The following MAP3K5 variants were observed in gnomAD, a reference collection of about 807,000 sequenced individuals.
MAP3K5 encodes mitogen-activated protein kinase kinase kinase 5, also known as ASK-1.
Under a neutral mutation model 158.7 loss-of-function variants are expected in MAP3K5, and 56 were observed. That is an observed-to-expected ratio of 0.35 (90% CI 0.28 to 0.44). The LOEUF is 0.44. Ranked by LOEUF, MAP3K5 falls within the 20% of genes least tolerant of loss-of-function variation. The probability of loss-of-function intolerance (pLI) is 1.00; values close to 1 mark genes in which losing one functional copy is unlikely to be tolerated. For missense variants in MAP3K5, 1,294 were observed against 1,674.8 expected (o/e 0.77, Z 3.97); for synonymous variants, 579 against 601.7 (o/e 0.96, Z 0.55).
At chr6:136,782,848 A>T (rs186057874) in intron 1 of MAP3K5, among the ~76,000 whole-genome samples, 3 of 152,352 alleles carry the variant, frequency 2.0e-5, no homozygotes, top group African/African-American at 7.2e-5. Context: ...AATAAAATTC[A>T]TATGAAATGT....
At chr6:136,575,842 C>T (rs1005327125) in intron 25 of MAP3K5, among the ~76,000 whole-genome samples, 2 of 152,218 alleles carry the variant, frequency 1.3e-5, no homozygotes, top group African/African-American at 4.8e-5. Context: ...GAGGGGGTGT[C>T]TGCCACATTC....
intron 7 of MAP3K5, among the ~76,000 whole-genome samples, chr6:136,680,259 G>A (rs1779876875): frequency 6.6e-6 from 1 of 152,142 alleles, no homozygotes; most frequent in Admixed American, 6.5e-5. Context: ...TGGATGGATG[G>A]TGATGATGGT....
intron 21 of MAP3K5, chr6:136,593,556 T>A: frequency 5.1e-6 from 1 of 196,148 alleles, no homozygotes; most frequent in Non-Finnish European, 1.1e-5. Flanking sequence ...GGACAGCTAG[T>A]CAGTCTCTGT....
At chr6:136,715,965 G>A (rs1372973153) in intron 2 of MAP3K5, among the ~76,000 whole-genome samples, 1 of 141,100 alleles carries the variant, frequency 7.1e-6, no homozygotes, top group East Asian at 2.2e-4. Flanking sequence ...AGGAGGTGGA[G>A]GTTGCAGTGA....
chr6:136,635,949 GT>G (rs796633953), intron 14 of MAP3K5, among the ~76,000 whole-genome samples: 36 of 152,122 alleles, frequency 2.4e-4, no homozygotes, highest in African/African-American at 8.4e-4. Context: ...CTAATTCAGT[GT>G]TTCTATAAAA....
At chr6:136,789,491 G>C (rs537815548) in intron 1 of MAP3K5, among the ~76,000 whole-genome samples, 2 of 152,072 alleles carry the variant, frequency 1.3e-5, no homozygotes, top group South Asian at 4.1e-4. Flanking sequence ...AGTACGAAGG[G>C]ACAGAGTGGG....
At chr6:136,696,909 G>A (rs1780622823) in intron 5 of MAP3K5, among the ~76,000 whole-genome samples, 1 of 152,200 alleles carries the variant, frequency 6.6e-6, no homozygotes, top group Non-Finnish European at 1.5e-5. Flanking sequence ...TCACTGACAG[G>A]TGTGCCTGAG....
chr6:136,664,036 G>A (rs1779123722), intron 8 of MAP3K5, among the ~76,000 whole-genome samples: 1 of 152,156 alleles, frequency 6.6e-6, no homozygotes, highest in African/African-American at 2.4e-5. Flanking sequence ...ACTGGTCTGT[G>A]ACCTGTTAGG....
At chr6:136,582,573 C>T (rs1384426858) in intron 24 of MAP3K5, among the ~76,000 whole-genome samples, 1 of 152,138 alleles carries the variant, frequency 6.6e-6, no homozygotes, top group Non-Finnish European at 1.5e-5. Context: ...TCCCTGCCCA[C>T]AATATAGCAT....
At chr6:136,604,359 A>G (rs184355413) in intron 19 of MAP3K5, among the ~76,000 whole-genome samples, 1 of 152,080 alleles carries the variant, frequency 6.6e-6, no homozygotes, top group Admixed American at 6.5e-5. Flanking sequence ...GAAAAAAAGA[A>G]AAAAAAAGAA....
intron 7 of MAP3K5, among the ~76,000 whole-genome samples, chr6:136,692,447 C>G (rs921429987): frequency 2.0e-5 from 3 of 152,142 alleles, no homozygotes; most frequent in Non-Finnish European, 2.9e-5. Context: ...TGTCCTGCTC[C>G]CTGCAGACCA....
intron 15 of MAP3K5, among the ~76,000 whole-genome samples, chr6:136,619,680 G>T (rs531602447): frequency 6.6e-6 from 1 of 152,216 alleles, no homozygotes; most frequent in East Asian, 1.9e-4. Context: ...AGGAAAGAGC[G>T]AAAGCAGAGA....
intron 1 of MAP3K5, among the ~76,000 whole-genome samples, chr6:136,739,781 G>A (rs78138325): frequency 0.012 from 1,895 of 152,300 alleles, 37 homozygotes; most frequent in African/African-American, 0.044. Flanking sequence ...ATTCCAGTTT[G>A]CTTCAAACAG....
intron 26 of MAP3K5, among the ~76,000 whole-genome samples, chr6:136,566,831 G>A (rs1480016126): frequency 6.6e-6 from 1 of 152,052 alleles, no homozygotes; most frequent in Non-Finnish European, 1.5e-5. Flanking sequence ...CTTTATGACT[G>A]GAAATAAGAT....
intron 11 of MAP3K5, among the ~76,000 whole-genome samples, chr6:136,648,863 T>C (rs915187585): frequency 6.6e-6 from 1 of 152,266 alleles, no homozygotes; most frequent in Non-Finnish European, 1.5e-5. Flanking sequence ...GTTGTTTTCC[T>C]GTTGAACTTC....
At chr6:136,771,389 C>G (rs541433750) in intron 1 of MAP3K5, among the ~76,000 whole-genome samples, 3 of 152,208 alleles carry the variant, frequency 2.0e-5, no homozygotes, top group Admixed American at 2.0e-4. Context: ...CTAGCTAAAA[C>G]AAAGCCAGAG....
intron 25 of MAP3K5, among the ~76,000 whole-genome samples, chr6:136,570,745 T>C (rs113098679): frequency 3.3e-4 from 51 of 152,272 alleles, no homozygotes; most frequent in African/African-American, 1.2e-3. Flanking sequence ...ATGCTACCAA[T>C]CTCCAGAATA....
intron 14 of MAP3K5, among the ~76,000 whole-genome samples, chr6:136,628,374 A>G (rs1282332920): frequency 1.3e-5 from 2 of 150,802 alleles, no homozygotes; most frequent in East Asian, 3.9e-4. Flanking sequence ...CGGCCTCCCA[A>G]CCACTGGGAG....
At chr6:136,602,925 T>G (rs1775939418) in intron 19 of MAP3K5, among the ~76,000 whole-genome samples, 1 of 152,186 alleles carries the variant, frequency 6.6e-6, no homozygotes, top group Non-Finnish European at 1.5e-5. Flanking sequence ...AACAATATTT[T>G]TATAACAATT....
Sources: allele counts gnomAD v4.1 joint callset (sites outside exome capture counted in the v4.1 genomes callset), GRCh38; gene constraint gnomAD v4.1.1; transcripts MANE v1.5; gene names NCBI Gene and HGNC (gene_info 2026-07-23, HGNC 2026-07-21).